Variants in NCOA2 observed in about 807,000 individuals in gnomAD.
NCOA2 encodes class E basic helix-loop-helix protein 75.
A neutral mutation model predicts 145.1 loss-of-function variants in NCOA2; 21 were observed. That is an observed-to-expected ratio of 0.14 (90% confidence interval 0.10 to 0.21). The LOEUF is 0.21. Among genes scored for constraint, NCOA2 ranks in the 10% least tolerant of loss-of-function variants. The pLI, the probability that NCOA2 is intolerant of heterozygous loss-of-function variation, is 1.00. For missense variants in NCOA2, 1,472 were observed against 1,837.6 expected (o/e 0.80, Z 3.64); for synonymous variants, 619 against 637.5 (o/e 0.97, Z 0.44).
At chr8:70,159,048 C>T (rs895278341) in intron 10 of NCOA2, among the ~76,000 whole-genome samples, 5 of 151,116 alleles carry the variant, frequency 3.3e-5, no homozygotes, top group African/African-American at 1.2e-4. Flanking sequence ...TCCACCCTGC[C>T]CCCACGCTGC....
the NCOA2 span, among the ~76,000 whole-genome samples, chr8:70,446,829 C>A: frequency 6.6e-6 from 1 of 152,088 alleles, no homozygotes; most frequent in Admixed American, 6.5e-5. Flanking sequence ...TTAACACAAC[C>A]TTTGTCCTTC....
chr8:70,141,147 TA>T (rs1585805767), intron 14 of NCOA2, 36 bp downstream of exon 14: 2 of 1,580,070 alleles, frequency 1.3e-6, no homozygotes, highest in African/African-American at 2.7e-5. Flanking sequence ...TAAGAGAGCA[TA>T]AAAGTTAAAA....
intron 17 of NCOA2, 39 bp downstream of exon 17, chr8:70,128,663 C>T: frequency 1.2e-6 from 2 of 1,606,704 alleles, no homozygotes; most frequent in Non-Finnish European, 1.7e-6. Context: ...GTCCTCCACC[C>T]AGCACCCCTG....
At chr8:70,263,720 C>T (rs373597197) in intron 2 of NCOA2, among the ~76,000 whole-genome samples, 6 of 150,668 alleles carry the variant, frequency 4.0e-5, no homozygotes, top group African/African-American at 1.2e-4. Flanking sequence ...CAGAGTGAGA[C>T]TCCATCTCAA....
chr8:70,330,216 A>ATAATGATG lies in NCOA2; in HGVS notation c.-76-33417_-76-33416insCATCATTA, dbSNP rs137886603. 5.4e-3 allele frequency among the ~76,000 whole-genome samples: 817 copies of ATAATGATG among 150,886 alleles called. 3 individuals carry two copies. The highest frequency in any genetic ancestry group is 0.019 in the African/African-American group (758 of 40,942). On this transcript the variant is annotated intron_variant, in intron 1 of 22. Transcript: ENST00000452400. Reference sequence around the variant, plus strand: ...AATAAATGATGATGATGATGATGATAATGATGATGATGATGATGATGATCT... The same window carrying ATAATGATG: ...AATAAATGATGATGATGATGATGATATAATGATGATGATGATGATGATGATGATGATCT...
chr8:70,277,843 A>G (rs1277602708), intron 2 of NCOA2, among the ~76,000 whole-genome samples: 1 of 152,172 alleles, frequency 6.6e-6, no homozygotes, highest in African/African-American at 2.4e-5. Context: ...TGATTCTACC[A>G]GCCAGTTTTC....
chr8:70,394,120 A>G (rs1012647408), intron 1 of NCOA2, among the ~76,000 whole-genome samples: 2 of 152,258 alleles, frequency 1.3e-5, no homozygotes, highest in Non-Finnish European at 2.9e-5. Flanking sequence ...CTGCCTATTT[A>G]GAAAAGAGTA....
intron 14 of NCOA2, 60 bp from the exon 15 acceptor site, chr8:70,138,392 A>G (rs1324248694): frequency 1.4e-6 from 2 of 1,452,454 alleles, no homozygotes; most frequent in East Asian, 2.5e-5. Context: ...TATTTCTGCT[A>G]TGTAATATAA....
intron 4 of NCOA2, among the ~76,000 whole-genome samples, chr8:70,199,407 C>T (rs996825057): frequency 2.5e-5 from 3 of 118,996 alleles, no homozygotes; most frequent in African/African-American, 7.1e-5. Context: ...GCCAAGATTG[C>T]GCCACTGCAC....
At chr8:70,366,668 C>T (rs1357195865) in intron 1 of NCOA2, among the ~76,000 whole-genome samples, 2 of 149,506 alleles carry the variant, frequency 1.3e-5, no homozygotes, top group East Asian at 1.9e-4. Flanking sequence ...CCATTGCCGG[C>T]ATAAGTTATT....
At chr8:70,226,029 T>C (rs532489717) in intron 2 of NCOA2, among the ~76,000 whole-genome samples, 142 of 152,280 alleles carry the variant, frequency 9.3e-4, no homozygotes, top group South Asian at 2.1e-4. Flanking sequence ...CTGAATTTAA[T>C]AGACTATAAA....
In NCOA2 at chr8:70,335,765, G is replaced by A. The variant is rs552851232; in HGVS notation, c.-76-38965C>T. 3.0e-4 allele frequency among the ~76,000 whole-genome samples: 46 copies of A among 152,116 alleles called. 1 individual carries two copies. The South Asian group carries it at 8.3e-3, about 27-fold the overall frequency. The stretch of plus-strand genomic sequence containing the variant: ...TCGTTAGGTGATTTCATCATTTTGC[G>A]AACATTGTAGAGCATATTTACACAA... On this transcript the variant is annotated intron_variant, in intron 1 of 22. Coordinates refer to ENST00000452400, the MANE Select transcript of NCOA2 (RefSeq NM_006540.4).
intron 22 of NCOA2, among the ~76,000 whole-genome samples, chr8:70,118,412 G>A (rs1807388956): frequency 6.6e-6 from 1 of 152,088 alleles, no homozygotes; most frequent in South Asian, 2.1e-4. Context: ...GGAGAGAACA[G>A]GATTGGCACC....
chr8:70,173,451 T>C (rs899435311), intron 5 of NCOA2, among the ~76,000 whole-genome samples: 1 of 152,230 alleles, frequency 6.6e-6, no homozygotes, highest in Non-Finnish European at 1.5e-5. Context: ...AATTATCCAG[T>C]TTCTTTCATT....
chr8:70,283,213 A>G (rs969553259), intron 2 of NCOA2, among the ~76,000 whole-genome samples: 1 of 152,216 alleles, frequency 6.6e-6, no homozygotes. Context: ...AAAAATCAGA[A>G]AACTAATGGG....
intron 1 of NCOA2, among the ~76,000 whole-genome samples, chr8:70,327,728 C>G (rs1806720151): frequency 6.6e-6 from 1 of 152,058 alleles, no homozygotes. Flanking sequence ...AGCAATCACA[C>G]AGTAGATATT....
At chr8:70,175,265 C>T (rs1248842898) in intron 4 of NCOA2, among the ~76,000 whole-genome samples, 1 of 152,232 alleles carries the variant, frequency 6.6e-6, no homozygotes, top group Non-Finnish European at 1.5e-5. Context: ...TAGATTTGCA[C>T]ACATTTGAAG....
At chr8:70,308,045 T>A (rs1388972784) in intron 1 of NCOA2, among the ~76,000 whole-genome samples, 1 of 152,186 alleles carries the variant, frequency 6.6e-6, no homozygotes, top group African/African-American at 2.4e-5. Flanking sequence ...TTCATGTACA[T>A]GTTTTGTTTA....
the NCOA2 span, among the ~76,000 whole-genome samples, chr8:70,442,256 G>A: frequency 2.5e-4 from 38 of 152,192 alleles, no homozygotes; most frequent in African/African-American, 7.5e-4. Context: ...AAGTTGGCAC[G>A]CGCTGGCCTA....
Sources: allele counts gnomAD v4.1 joint callset (sites outside exome capture counted in the v4.1 genomes callset), GRCh38; gene constraint gnomAD v4.1.1; transcripts MANE v1.5; gene names NCBI Gene and HGNC (gene_info 2026-07-23, HGNC 2026-07-21).